NEDD4L: variants seen among roughly 807,000 people sequenced by gnomAD.
NEDD4L encodes the protein NEDD4 like E3 ubiquitin protein ligase.
In NEDD4L, 54 loss-of-function variants were observed where a neutral mutation model predicts 148.9. The ratio of observed to expected loss-of-function variants is 0.36; its 90% CI spans 0.29 to 0.45. The LOEUF (loss-of-function observed/expected upper bound fraction) is 0.45. NEDD4L is among the 20% of genes least tolerant of loss of function. NEDD4L has a pLI of 1.00. For synonymous variants in NEDD4L, 433 were observed against 440.7 expected (o/e 0.98, Z 0.22); for missense variants, 856 against 1,233.8 (o/e 0.69, Z 4.59).
At chr18:58,087,763 A>T (rs1184641110) in intron 1 of NEDD4L, among the ~76,000 whole-genome samples, 4 of 152,146 alleles carry the variant, frequency 2.6e-5, no homozygotes, top group Non-Finnish European at 5.9e-5. Flanking sequence ...AATCCCAGCT[A>T]CTCGGGAGGC....
chr18:58,214,607 TTGTGTG>T lies in NEDD4L; in HGVS notation c.123-30788_123-30783del, dbSNP rs59608519. ...ATTCCATAAACATTAGCTGCTCGGT[TTGTGTG>T]TGTGTGTGTGTGTGTGTGTGTGTGT... On this transcript the variant is annotated intron_variant, in intron 2 of 30. Coordinates refer to ENST00000400345, the MANE Select transcript of NEDD4L (RefSeq NM_001144967.3). Among the ~76,000 whole-genome samples, 327 of 145,408 alleles carry T rather than the reference TTGTGTG, an allele frequency of 2.2e-3. 4 individuals carry two copies. Among genetic ancestry groups the T allele is most frequent in the African/African-American group, 6.7e-3 (266 of 39,664 alleles).
At chr18:58,088,312 G>T (rs1164138066) in intron 1 of NEDD4L, among the ~76,000 whole-genome samples, 1 of 152,194 alleles carries the variant, frequency 6.6e-6, no homozygotes, top group Non-Finnish European at 1.5e-5. Flanking sequence ...GTGAGTCCAG[G>T]AGGCAAGAAT....
rs10555499 is a variant in NEDD4L, at chr18:58,283,050, CTTATTTATTTATTTAT to C, written c.297+31024_297+31039del. 9.8e-3 allele frequency among the ~76,000 whole-genome samples: 1,479 copies of C among 150,262 alleles called. 17 individuals are homozygous for C. The highest frequency in any genetic ancestry group is 0.023 in the African/African-American group (936 of 40,766). On this transcript the variant is annotated intron_variant, in intron 5 of 30. Coordinates refer to ENST00000400345, the MANE Select transcript of NEDD4L (RefSeq NM_001144967.3). ...AGGAACGTGATAAATTGCACACTGC[CTTATTTATTTATTTAT>C]TTATTTATTTATTTATTTATTTATT...
At chr18:58,323,398 C>A in intron 8 of NEDD4L, 64 bp downstream of exon 8, 1 of 868,352 alleles carries the variant, frequency 1.2e-6, no homozygotes, top group Non-Finnish European at 1.9e-6. Flanking sequence ...TGCTTTCAAA[C>A]TTTATAATTG....
chr18:58,133,307 C>T (rs555298957), intron 1 of NEDD4L, among the ~76,000 whole-genome samples: 12 of 152,312 alleles, frequency 7.9e-5, no homozygotes, highest in East Asian at 5.8e-4. Context: ...TTCCACTGCT[C>T]CCCTGTTTAC....
intron 1 of NEDD4L, among the ~76,000 whole-genome samples, chr18:58,112,257 TA>T (rs2085465480): frequency 6.6e-6 from 1 of 152,212 alleles, no homozygotes; most frequent in African/African-American, 2.4e-5. Flanking sequence ...TTTAGTGGCT[TA>T]AACTTTCAAG....
chr18:58,111,902 C>A (rs564020410), intron 1 of NEDD4L, among the ~76,000 whole-genome samples: 1 of 152,184 alleles, frequency 6.6e-6, no homozygotes, highest in South Asian at 2.1e-4. Flanking sequence ...ACATTCCCCC[C>A]CAGCAGTGTC....
chr18:58,233,052 T>C (rs1371672943), intron 2 of NEDD4L, among the ~76,000 whole-genome samples: 1 of 152,200 alleles, frequency 6.6e-6, no homozygotes, highest in Non-Finnish European at 1.5e-5. Flanking sequence ...AGGAAATTGA[T>C]TTGAGAGCAA....
chr18:58,199,553 T>C lies in NEDD4L; in HGVS notation c.122+33692T>C, dbSNP rs1268952120. On this transcript the variant is annotated intron_variant, in intron 2 of 30. Coordinates refer to ENST00000400345, the MANE Select transcript of NEDD4L (RefSeq NM_001144967.3). Reference sequence around the variant, plus strand: ...CCCGGCACTTTAGGAGGCTGGGGCATGAGGATTGCTTGAGCCCAGCAGTTT... The same window carrying C: ...CCCGGCACTTTAGGAGGCTGGGGCACGAGGATTGCTTGAGCCCAGCAGTTT... Among the ~76,000 whole-genome samples the C allele has an allele frequency of 2.0e-5, 3 of 152,252 alleles. No homozygotes were observed. In the East Asian group the frequency reaches 5.8e-4, roughly 29 times the overall value.
chr18:58,100,092 T>TG (rs2084660312), intron 1 of NEDD4L, among the ~76,000 whole-genome samples: 1 of 152,106 alleles, frequency 6.6e-6, no homozygotes, highest in Non-Finnish European at 1.5e-5. Flanking sequence ...AGAAGCATGC[T>TG]GGGATGATGC....
rs777642109 is a variant in NEDD4L at position 58,237,920 on chromosome 18, A to G, written c.123-7507A>G. On this transcript the variant is annotated intron_variant, in intron 2 of 30. Transcript: ENST00000400345. ...GTTGGTCCTGGCTAGAGATTTCAAGACTCGAGTGGCTGGGAAGGTTTTAGA... is the reference window on the plus strand; with the variant it reads ...GTTGGTCCTGGCTAGAGATTTCAAGGCTCGAGTGGCTGGGAAGGTTTTAGA... Among the ~76,000 whole-genome samples, 19 of 152,088 alleles carry G rather than the reference A, an allele frequency of 1.2e-4. 1 individual carries two copies. The highest frequency in any genetic ancestry group is 1.9e-4 in the Non-Finnish European group (13 of 68,010).
At chr18:58,194,358 G>T (rs1393173636) in intron 2 of NEDD4L, among the ~76,000 whole-genome samples, 2 of 152,188 alleles carry the variant, frequency 1.3e-5, no homozygotes, top group Admixed American at 1.3e-4. Context: ...GGTCACCCAT[G>T]CCCTGGTCGT....
chr18:58,182,958 A>G (rs936951117), intron 2 of NEDD4L, among the ~76,000 whole-genome samples: 4 of 152,222 alleles, frequency 2.6e-5, no homozygotes, highest in Admixed American at 2.0e-4. Context: ...GTCCCCTGTC[A>G]TAGGAGACCT....
intron 1 of NEDD4L, among the ~76,000 whole-genome samples, chr18:58,100,931 G>A (rs576881003): frequency 1.3e-5 from 2 of 152,160 alleles, no homozygotes; most frequent in South Asian, 4.2e-4. Context: ...TTGGCCTCCC[G>A]AGTAGCTGGG....
intron 1 of NEDD4L, among the ~76,000 whole-genome samples, chr18:58,071,054 A>C (rs1450238814): frequency 1.3e-5 from 2 of 152,214 alleles, no homozygotes; most frequent in Middle Eastern, 3.4e-3. Flanking sequence ...ACACACACAC[A>C]CACCTCGGTT....
intron 18 of NEDD4L, among the ~76,000 whole-genome samples, chr18:58,356,715 T>A (rs2044714626): frequency 1.3e-5 from 2 of 152,260 alleles, no homozygotes; most frequent in Admixed American, 1.3e-4. Flanking sequence ...ATTATTCATT[T>A]GTTCAATGCA....
At position 58,348,478 on chromosome 18, in the gene NEDD4L, C is replaced by G. The variant is rs186601654; in HGVS notation, c.1576-1059C>G. Among the ~76,000 whole-genome samples, 143 of 151,760 alleles carry G rather than the reference C, an allele frequency of 9.4e-4. 1 individual carries two copies. The highest frequency in any genetic ancestry group is 3.4e-3 in the African/African-American group (140 of 41,400). ...TCCCGAGTAGCTGGGACTACAGGCA[C>G]ACACCACACCCGGGAAATTTTTGTA... On this transcript the variant is annotated intron_variant, in intron 16 of 30. Transcript: ENST00000400345.
chr18:58,335,291 T>C (rs2041582967), intron 12 of NEDD4L, among the ~76,000 whole-genome samples, 187 bp from the exon 13 acceptor site: 1 of 152,144 alleles, frequency 6.6e-6, no homozygotes, highest in African/African-American at 2.4e-5. Context: ...TTGGGGGGCA[T>C]AGGGGTCACG....
At chr18:58,394,233 A>G (rs775695071) in intron 30 of NEDD4L, among the ~76,000 whole-genome samples, 16 of 152,222 alleles carry the variant, frequency 1.1e-4, no homozygotes, top group Non-Finnish European at 2.2e-4. Flanking sequence ...TACCATCATC[A>G]CAGTGGCCCT....
Sources: gnomAD v4.1 joint callset for allele counts (sites outside exome capture counted in the v4.1 genomes callset) on GRCh38, gnomAD v4.1.1 for gene constraint, MANE v1.5 for transcripts, NCBI Gene and HGNC (gene_info 2026-07-23, HGNC 2026-07-21) for gene names.